The following SSBP2 variants were observed in gnomAD, a reference collection of about 807,000 sequenced individuals.
SSBP2 encodes single stranded DNA binding protein 2.
In SSBP2, 17 loss-of-function variants were observed where a neutral mutation model predicts 61.8. The observed-to-expected ratio is 0.28, with a 90% CI of 0.19 to 0.41. The LOEUF is 0.41. SSBP2 is among the 10% of genes least tolerant of loss of function. The pLI, the probability that SSBP2 is intolerant of heterozygous loss-of-function variation, is 1.00. For missense variants in SSBP2, 310 were observed against 458.7 expected, an observed-to-expected ratio of 0.68 and a Z score of 2.96; for synonymous variants, 139 against 141.3, an observed-to-expected ratio of 0.98 and a Z score of 0.12.
chr5:81,519,731 C>T (rs971723690), intron 4 of SSBP2, among the ~76,000 whole-genome samples: 17 of 152,082 alleles, frequency 1.1e-4, no homozygotes, highest in African/African-American at 4.1e-4. Context: ...TGGATGACTT[C>T]GTGGAGCAGA....
chr5:81,723,003 T>C lies in SSBP2; in HGVS notation c.62+27978A>G, dbSNP rs553618531. 1.4e-4 allele frequency among the ~76,000 whole-genome samples: 22 copies of C among 152,118 alleles called. No homozygotes were observed. The South Asian group carries it at 3.9e-3, about 27-fold the overall frequency. On this transcript the variant is annotated intron_variant, in intron 1 of 16. Transcript: ENST00000320672. ...CTATTAACATGATACTGTAATTATT[T>C]ATACATATATTCTCCATGTGAAAAA...
chr5:81,699,271 A>G lies in SSBP2; in HGVS notation c.63-48932T>C, dbSNP rs545953711. Among the ~76,000 whole-genome samples, 8 of 152,298 alleles carry G rather than the reference A, an allele frequency of 5.3e-5. No individual in the cohort carries two copies. The South Asian group carries it at 1.7e-3, about 32-fold the overall frequency. On this transcript the variant is annotated intron_variant, in intron 1 of 16. Transcript: ENST00000320672. ...AGTGGTGGCTGTGGCAAATAAGACA[A>G]TGAAGTCTGCTGCATTGATTGACTC...
intron 2 of SSBP2, 92 bp from the exon 3 acceptor site, chr5:81,636,710 T>C: frequency 1.0e-6 from 1 of 963,754 alleles, no homozygotes; most frequent in Non-Finnish European, 1.5e-6. Context: ...AATACTATAG[T>C]AATATTTGAA....
intron 4 of SSBP2, among the ~76,000 whole-genome samples, chr5:81,525,647 A>G (rs1432833138): frequency 6.6e-6 from 1 of 151,562 alleles, no homozygotes; most frequent in Non-Finnish European, 1.5e-5. Flanking sequence ...ATTGCCATCT[A>G]CTCCTGGTGC....
intron 3 of SSBP2, among the ~76,000 whole-genome samples, chr5:81,634,331 T>C (rs949358570): frequency 6.6e-6 from 1 of 152,228 alleles, no homozygotes; most frequent in African/African-American, 2.4e-5. Context: ...TTAAATCTAC[T>C]ATAACCTGGA....
At chr5:81,493,780 T>C (rs1767082014) in intron 5 of SSBP2, among the ~76,000 whole-genome samples, 1 of 151,588 alleles carries the variant, frequency 6.6e-6, no homozygotes, top group African/African-American at 2.4e-5. Flanking sequence ...AATAAAATTG[T>C]AGAGATGGGT....
At chr5:81,612,427 T>A (rs1745540600) in intron 4 of SSBP2, among the ~76,000 whole-genome samples, 1 of 152,128 alleles carries the variant, frequency 6.6e-6, no homozygotes, top group Admixed American at 6.5e-5. Flanking sequence ...GTGAAATAAT[T>A]AATAATTGCA....
chr5:81,553,523 G>A (rs971842460), intron 4 of SSBP2, among the ~76,000 whole-genome samples: 5 of 151,990 alleles, frequency 3.3e-5, no homozygotes, highest in Non-Finnish European at 7.4e-5. Flanking sequence ...TTATAGAAAT[G>A]GCTAGCTATT....
intron 4 of SSBP2, among the ~76,000 whole-genome samples, chr5:81,592,264 C>G (rs1775576289): frequency 6.6e-6 from 1 of 152,234 alleles, no homozygotes; most frequent in Non-Finnish European, 1.5e-5. Context: ...GATCAAACTG[C>G]AAGGCAGCAG....
chr5:81,416,785 G>A lies in SSBP2; in HGVS notation c.*3719C>T, dbSNP rs1409291461. 6.6e-6 allele frequency: 1 copy of A among 152,134 alleles called. No homozygotes were observed. The highest frequency in any genetic ancestry group is 6.6e-5 in the Admixed American group (1 of 15,264). 9.4% of individuals were successfully genotyped at this position (152,134 alleles called of 1,614,324 possible). A position where few individuals can be genotyped will look rare whatever the true frequency, so the allele number is the denominator to read the frequency against. On this transcript the variant is annotated 3_prime_UTR_variant, in exon 17 of 17. Transcript: ENST00000320672. ...AATGGAAGTTTTATTTTATTCTGGA[G>A]GGAAAGGGCTGTTTTGGGCACTTTT...
At chr5:81,566,228 T>TC (rs1270435459) in intron 4 of SSBP2, among the ~76,000 whole-genome samples, 25 of 152,286 alleles carry the variant, frequency 1.6e-4, no homozygotes, top group African/African-American at 5.5e-4. Flanking sequence ...ACAGTATGCA[T>TC]ATAAGGTTCG....
At chr5:81,427,500 G>A (rs1294781098) in intron 16 of SSBP2, among the ~76,000 whole-genome samples, 1 of 152,082 alleles carries the variant, frequency 6.6e-6, no homozygotes, top group Non-Finnish European at 1.5e-5. Flanking sequence ...AATCCACAGA[G>A]CACTCAATCT....
intron 6 of SSBP2, among the ~76,000 whole-genome samples, chr5:81,487,692 A>C (rs1001738449): frequency 2.6e-5 from 4 of 151,864 alleles, no homozygotes; most frequent in Non-Finnish European, 5.9e-5. Flanking sequence ...ATACCTATAC[A>C]TTATGTAATG....
chr5:81,630,650 G>T (rs2153656882), intron 3 of SSBP2, among the ~76,000 whole-genome samples: 1 of 150,944 alleles, frequency 6.6e-6, no homozygotes, highest in East Asian at 2.0e-4. Context: ...TAAAAATTAA[G>T]TTATTTAAAA....
chr5:81,627,404 C>G (rs1371649506), intron 3 of SSBP2, among the ~76,000 whole-genome samples: 1 of 152,142 alleles, frequency 6.6e-6, no homozygotes, highest in Non-Finnish European at 1.5e-5. Flanking sequence ...TAACCCAACT[C>G]AAATAGTTAT....
intron 4 of SSBP2, among the ~76,000 whole-genome samples, chr5:81,523,048 G>A (rs1769613873): frequency 6.6e-6 from 1 of 151,996 alleles, no homozygotes; most frequent in Non-Finnish European, 1.5e-5. Context: ...TCTAAATATT[G>A]TAGCTGGTAT....
At position 81,432,672 on chromosome 5, in the gene SSBP2, G is replaced by A. The variant is rs940178735; in HGVS notation, c.958-3989C>T. ...GAGGCAGGAGAATTTCTTGAACCTG[G>A]GAGGTAGAGGTTGCAGCGAGCCAAG... On this transcript the variant is annotated intron_variant, in intron 15 of 16. Coordinates refer to ENST00000320672, the MANE Select transcript of SSBP2 (RefSeq NM_012446.5). 2.6e-5 allele frequency among the ~76,000 whole-genome samples: 4 copies of A among 152,196 alleles called. No homozygotes were observed. The South Asian group carries it at 8.3e-4, about 32-fold the overall frequency.
At chr5:81,620,208 T>C (rs1746438042) in intron 3 of SSBP2, among the ~76,000 whole-genome samples, 2 of 120,588 alleles carry the variant, frequency 1.7e-5, no homozygotes, top group Admixed American at 1.8e-4. Context: ...GAAAACCCCA[T>C]CGTCTCAGCC....
chr5:81,590,599 C>T (rs1349203011), intron 4 of SSBP2, among the ~76,000 whole-genome samples: 2 of 152,188 alleles, frequency 1.3e-5, no homozygotes, highest in Admixed American at 1.3e-4. Flanking sequence ...GAATGCTCGT[C>T]CATTCACAGG....
Sources: gnomAD v4.1 joint callset for allele counts (sites outside exome capture counted in the v4.1 genomes callset) on GRCh38, gnomAD v4.1.1 for gene constraint, MANE v1.5 for transcripts, NCBI Gene and HGNC (gene_info 2026-07-23, HGNC 2026-07-21) for gene names.